COG5: variants seen among roughly 807,000 people sequenced by gnomAD.
The protein encoded by COG5 is component of oligomeric golgi complex 5.
Under a neutral mutation model 110.4 loss-of-function variants are expected in COG5, and 86 were observed. The ratio of observed to expected loss-of-function variants is 0.78; its 90% CI spans 0.65 to 0.93. The LOEUF (loss-of-function observed/expected upper bound fraction) is 0.93, where lower values mean the gene tolerates loss of function less well. Among genes scored for constraint, COG5 ranks in the 40% least tolerant of loss-of-function variants. COG5 has a pLI of 0.00. For missense variants in COG5, 1,077 were observed against 987.0 expected (o/e 1.09, Z -1.22); for synonymous variants, 360 against 334.6 (o/e 1.08, Z -0.83).
At chr7:107,294,242 CCAGT>C (rs1050600733) in intron 12 of COG5, among the ~76,000 whole-genome samples, 3 of 152,096 alleles carry the variant, frequency 2.0e-5, no homozygotes, top group Non-Finnish European at 4.4e-5. Context: ...CCTATCTTAA[CCAGT>C]CAGTCTTCCA....
intron 6 of COG5, among the ~76,000 whole-genome samples, chr7:107,462,879 G>GAA (rs1185369308): frequency 6.6e-6 from 1 of 152,224 alleles, no homozygotes; most frequent in Non-Finnish European, 1.5e-5. Flanking sequence ...CAGTCCCAAA[G>GAA]AAAAGTTGTT....
At chr7:107,407,185 C>T (rs1385932675) in intron 7 of COG5, among the ~76,000 whole-genome samples, 2 of 152,084 alleles carry the variant, frequency 1.3e-5, no homozygotes, top group Non-Finnish European at 2.9e-5. Flanking sequence ...AGTTTGAGAC[C>T]AGTCTGGCCA....
chr7:107,251,747 G>A (rs1802521510), intron 16 of COG5, among the ~76,000 whole-genome samples: 1 of 152,032 alleles, frequency 6.6e-6, no homozygotes, highest in Non-Finnish European at 1.5e-5. Context: ...TATTTGTGGG[G>A]AAAATGGTCT....
rs560922128 is a variant in COG5, at chr7:107,364,737, C to T, written c.836-2317G>A. Among the ~76,000 whole-genome samples, 20 of 152,184 alleles carry T rather than the reference C, an allele frequency of 1.3e-4. No individual in the cohort carries two copies. The South Asian group carries it at 3.7e-3, about 28-fold the overall frequency. ...CAACTACCTCACTGTAGTTTTTCAACAATTCAGAAAAGAATTACATGTACC... is the reference window on the plus strand; with the variant it reads ...CAACTACCTCACTGTAGTTTTTCAATAATTCAGAAAAGAATTACATGTACC... On this transcript the variant is annotated intron_variant, in intron 8 of 21. Coordinates refer to ENST00000297135, the MANE Select transcript of COG5 (RefSeq NM_006348.5).
intron 6 of COG5, among the ~76,000 whole-genome samples, chr7:107,446,564 T>A (rs1047725899): frequency 1.3e-5 from 2 of 152,158 alleles, no homozygotes; most frequent in African/African-American, 4.8e-5. Flanking sequence ...ATACATCATA[T>A]TAGAGATTTG....
At chr7:107,277,457 A>G (rs367859600) in intron 14 of COG5, among the ~76,000 whole-genome samples, 3 of 152,162 alleles carry the variant, frequency 2.0e-5, no homozygotes, top group South Asian at 2.1e-4. Flanking sequence ...GAGAACAACA[A>G]CAGTGAAAAA....
In COG5 at chr7:107,341,684, C is replaced by G. The variant is rs567511252; in HGVS notation, c.1027-17163G>C. On this transcript the variant is annotated intron_variant, in intron 10 of 21. Coordinates refer to ENST00000297135, the MANE Select transcript of COG5 (RefSeq NM_006348.5). ...GGTACTGGTACAAAAACATACAGAC[C>G]AATGGAACAGAATGGAGAACTCAGA... Among the ~76,000 whole-genome samples, 235 of 151,960 alleles carry G rather than the reference C, an allele frequency of 1.5e-3. 2 individuals are homozygous for G. Among genetic ancestry groups the G allele is most frequent in the Non-Finnish European group, 1.8e-3 (125 of 67,966 alleles).
intron 7 of COG5, among the ~76,000 whole-genome samples, chr7:107,396,483 A>G (rs1791018328): frequency 6.9e-6 from 1 of 144,382 alleles, no homozygotes; most frequent in Non-Finnish European, 1.5e-5. Flanking sequence ...CTTTATTTTG[A>G]AGAGAGGCAG....
chr7:107,424,512 T>C (rs1365293018), intron 6 of COG5, among the ~76,000 whole-genome samples: 3 of 151,832 alleles, frequency 2.0e-5, no homozygotes, highest in Admixed American at 2.0e-4. Context: ...AAACTTTTTT[T>C]TTTTTTTTGA....
Position 107,201,465 on chromosome 7 carries a change from CATATACATTGA to C in COG5, c.*2040_*2050del. On this transcript the variant is annotated 3_prime_UTR_variant, in exon 22 of 22. Coordinates refer to ENST00000297135, the MANE Select transcript of COG5 (RefSeq NM_006348.5). Reference sequence around the variant, plus strand: ...GCTTATGTTCTTAAGTCTATATTTGCATATACATTGACTCTTGATGGAAAGACTTAAGAAGA... The same window carrying C: ...GCTTATGTTCTTAAGTCTATATTTGCCTCTTGATGGAAAGACTTAAGAAGA... 3 of 1,394,490 alleles carry C rather than the reference CATATACATTGA, an allele frequency of 2.2e-6. No homozygotes were observed. Among genetic ancestry groups the C allele is most frequent in the Middle Eastern group, 1.8e-4 (1 of 5,620 alleles). The allele number at this position is 1,394,490 out of a possible 1,614,324, so 86.4% of individuals were successfully genotyped here. A position where few individuals can be genotyped will look rare whatever the true frequency, so the allele number is the denominator to read the frequency against.
chr7:107,260,764 A>G (rs1803270761), intron 14 of COG5, among the ~76,000 whole-genome samples: 1 of 152,156 alleles, frequency 6.6e-6, no homozygotes, highest in East Asian at 1.9e-4. Flanking sequence ...TCATCATGCC[A>G]AAAACAAAGA....
In COG5 at chr7:107,415,750, GTATA is replaced by G. The variant is rs1563020823; in HGVS notation, c.539-3122_539-3119del. On this transcript the variant is annotated intron_variant, in intron 6 of 21. Transcript: ENST00000297135. ...TGTATATGTATATAAATACATGTAT[GTATA>G]TATGTATGTGTGTATATATACACAC... is the stretch of plus-strand genomic sequence containing the variant. Among the ~76,000 whole-genome samples, 232 of 145,810 alleles carry G rather than the reference GTATA, an allele frequency of 1.6e-3. 1 individual carries two copies. The highest frequency in any genetic ancestry group is 5.6e-3 in the African/African-American group (226 of 40,048).
intron 6 of COG5, among the ~76,000 whole-genome samples, chr7:107,481,959 A>C (rs1380952864): frequency 6.6e-6 from 1 of 152,122 alleles, no homozygotes; most frequent in Non-Finnish European, 1.5e-5. Context: ...GTGGAATTGA[A>C]AACAAATTTT....
In COG5 at chr7:107,365,596, C is replaced by CAAAAAAAAAA. The variant is rs71134263; in HGVS notation, c.836-3186_836-3177dup. On this transcript the variant is annotated intron_variant, in intron 8 of 21. Transcript: ENST00000297135. ...GGGAATGTTCAACATTGCAAAATGA[C>CAAAAAAAAAA]AAAAAAAAAAAAAAAAAAAAAAAAA... Among the ~76,000 whole-genome samples the CAAAAAAAAAA allele has an allele frequency of 3.0e-3, 110 of 36,710 alleles. 5 individuals are homozygous for CAAAAAAAAAA. Among genetic ancestry groups the CAAAAAAAAAA allele is most frequent in the Non-Finnish European group, 3.4e-3 (67 of 19,908 alleles). 24.1% of individuals were successfully genotyped at this position (36,710 alleles called of 152,430 possible). A position where few individuals can be genotyped will look rare whatever the true frequency, so the allele number is the denominator to read the frequency against.
At chr7:107,336,756 A>G (rs1267902379) in intron 10 of COG5, among the ~76,000 whole-genome samples, 1 of 152,180 alleles carries the variant, frequency 6.6e-6, no homozygotes, top group Non-Finnish European at 1.5e-5. Flanking sequence ...TTTTAAACAA[A>G]ATGATGTACA....
At chr7:107,441,645 A>C (rs774180105) in intron 6 of COG5, among the ~76,000 whole-genome samples, 1 of 152,196 alleles carries the variant, frequency 6.6e-6, no homozygotes, top group Non-Finnish European at 1.5e-5. Flanking sequence ...ACTCAGTTCA[A>C]GTGCCAGCTC....
intron 10 of COG5, among the ~76,000 whole-genome samples, chr7:107,347,703 T>C (rs1811748332): frequency 6.6e-6 from 1 of 152,248 alleles, no homozygotes; most frequent in Non-Finnish European, 1.5e-5. Flanking sequence ...AGTACAATTG[T>C]TATGTGTTCA....
At chr7:107,399,078 T>C (rs1029770023) in intron 7 of COG5, among the ~76,000 whole-genome samples, 1 of 152,148 alleles carries the variant, frequency 6.6e-6, no homozygotes, top group Non-Finnish European at 1.5e-5. Context: ...GGCATGTGCC[T>C]GTAGCCCCAG....
intron 7 of COG5, among the ~76,000 whole-genome samples, chr7:107,403,399 T>A (rs1047890469): frequency 4.6e-5 from 7 of 151,896 alleles, no homozygotes; most frequent in South Asian, 2.1e-4. Flanking sequence ...TTTTTTTTTT[T>A]AAATTATACT....
Sources: allele counts gnomAD v4.1 joint callset (sites outside exome capture counted in the v4.1 genomes callset), GRCh38; gene constraint gnomAD v4.1.1; transcripts MANE v1.5; gene names NCBI Gene and HGNC (gene_info 2026-07-23, HGNC 2026-07-21).